PCDHA10: variants seen among roughly 807,000 people sequenced by gnomAD.
The protein encoded by PCDHA10 is protocadherin alpha-10.
A neutral mutation model predicts 61.2 loss-of-function variants in PCDHA10; 45 were observed. The ratio of observed to expected loss-of-function variants is 0.74; its 90% confidence interval spans 0.58 to 0.94. PCDHA10 has a LOEUF of 0.94. PCDHA10 is among the 40% of genes least tolerant of loss of function. PCDHA10 has a pLI of 0.00. For synonymous variants in PCDHA10, 602 were observed against 548.8 expected (o/e 1.10, Z -1.35); for missense variants, 1,278 against 1,236.2 (o/e 1.03, Z -0.51).
intron 1 of PCDHA10, chr5:140,865,831 C>T (rs1554159632): frequency 6.6e-6 from 1 of 152,124 alleles, no homozygotes. Context: ...GTAGAGCTTT[C>T]TTTAGTAAGT....
intron 1 of PCDHA10, chr5:140,866,423 G>A (rs2049350651): frequency 6.6e-6 from 1 of 151,088 alleles, no homozygotes; most frequent in South Asian, 2.1e-4. Flanking sequence ...ATGTGTGTAG[G>A]TCTTTCAGTC....
intron 1 of PCDHA10, chr5:140,862,939 T>G (rs2047666977): frequency 1.8e-6 from 1 of 541,782 alleles, no homozygotes; most frequent in South Asian, 1.4e-5. Flanking sequence ...GCGCTGTGAG[T>G]GAGCTGGTGC....
intron 1 of PCDHA10, among the ~76,000 whole-genome samples, chr5:140,917,333 G>C (rs1301739777): frequency 6.7e-5 from 10 of 148,748 alleles, no homozygotes; most frequent in East Asian, 2.0e-4. Flanking sequence ...GCGGGGGAGG[G>C]GGGGGATGGT....
chr5:140,952,023 C>T (rs183831358), intron 1 of PCDHA10, among the ~76,000 whole-genome samples: 2 of 152,236 alleles, frequency 1.3e-5, no homozygotes, highest in African/African-American at 2.4e-5. Flanking sequence ...CATGCAAGTC[C>T]GAAATCCAGT....
chr5:140,869,274 G>A, intron 1 of PCDHA10: 1 of 1,613,594 alleles, frequency 6.2e-7, no homozygotes. Context: ...TGGAGCTGGC[G>A]GAGCTGGTGC....
At chr5:141,008,206 G>A (rs979113429) in intron 3 of PCDHA10, among the ~76,000 whole-genome samples, 1 of 152,184 alleles carries the variant, frequency 6.6e-6, no homozygotes, top group African/African-American at 2.4e-5. Flanking sequence ...TAATGAACTT[G>A]ACATGAGTTA....
intron 1 of PCDHA10, among the ~76,000 whole-genome samples, chr5:140,902,107 T>G (rs2069104126): frequency 6.6e-6 from 1 of 152,174 alleles, no homozygotes; most frequent in African/African-American, 2.4e-5. Flanking sequence ...CTTTAGATTT[T>G]TTTAAAACTG....
chr5:140,966,826 G>T, intron 1 of PCDHA10: 5 of 1,560,694 alleles, frequency 3.2e-6, no homozygotes, highest in Non-Finnish European at 4.3e-6. Context: ...GGCGGCCCAT[G>T]CCCTGGCTGC....
At chr5:140,929,175 A>G (rs1554206790) in intron 1 of PCDHA10, 2 of 1,614,126 alleles carry the variant, frequency 1.2e-6, no homozygotes, top group East Asian at 4.5e-5. Flanking sequence ...CCTCTCTGGG[A>G]CTTGGTTCTG....
At chr5:140,969,170 G>A in intron 1 of PCDHA10, 1 of 1,614,114 alleles carries the variant, frequency 6.2e-7, no homozygotes. Flanking sequence ...AGCAGGCTCA[G>A]GGAGTGACAC....
chr5:140,983,059 C>A (rs1325414567), intron 3 of PCDHA10, among the ~76,000 whole-genome samples: 3 of 151,980 alleles, frequency 2.0e-5, no homozygotes, highest in Non-Finnish European at 4.4e-5. Flanking sequence ...TTATCGGAAC[C>A]AAGGCATTGT....
intron 1 of PCDHA10, among the ~76,000 whole-genome samples, chr5:140,885,025 T>A (rs2060432297): frequency 6.6e-6 from 1 of 152,228 alleles, no homozygotes; most frequent in Non-Finnish European, 1.5e-5. Context: ...ATCTTAAATT[T>A]AAAAAATTTT....
intron 1 of PCDHA10, among the ~76,000 whole-genome samples, chr5:140,891,620 C>T (rs1194351903): frequency 6.6e-6 from 1 of 152,122 alleles, no homozygotes; most frequent in African/African-American, 2.4e-5. Flanking sequence ...TTTATTTTAA[C>T]ACCTTTTGCT....
chr5:140,875,410 A>G (rs1459624657), intron 1 of PCDHA10: 3 of 1,502,000 alleles, frequency 2.0e-6, no homozygotes, highest in African/African-American at 1.4e-5. Flanking sequence ...TGCTCATAAA[A>G]TACCTCAGGC....
At chr5:140,884,130 C>A in intron 1 of PCDHA10, 1 of 1,613,434 alleles carries the variant, frequency 6.2e-7, no homozygotes, top group South Asian at 1.1e-5. Context: ...GCGCGCATCC[C>A]GTTCCGCGTG....
chr5:140,886,281 T>C (rs2060932567), intron 1 of PCDHA10, among the ~76,000 whole-genome samples: 1 of 151,934 alleles, frequency 6.6e-6, no homozygotes, highest in African/African-American at 2.4e-5. Flanking sequence ...TTTTTAAAAT[T>C]ATTTTTATAT....
Position 140,967,000 on chromosome 5 carries a change from C to T in PCDHA10, c.2389-11949C>T, listed in dbSNP as rs544624379. The T allele has an allele frequency of 6.1e-5, 98 of 1,604,962 alleles. No individual in the cohort carries two copies. The East Asian group carries it at 2.1e-3, about 35-fold the overall frequency. ...GGCGCTTGGGGCCGGGTTGCTTGCG[C>T]ATCAACCATCTGGGTGCGCCCAGTC... On this transcript the variant is annotated intron_variant, in intron 1 of 3. Coordinates refer to ENST00000307360, the MANE Select transcript of PCDHA10 (RefSeq NM_018901.4).
At chr5:140,996,968 C>G (rs1290343779) in intron 3 of PCDHA10, among the ~76,000 whole-genome samples, 1 of 152,132 alleles carries the variant, frequency 6.6e-6, no homozygotes, top group Non-Finnish European at 1.5e-5. Context: ...CAATCCCACT[C>G]CCCTTTGGTG....
chr5:140,966,702 G>T, intron 1 of PCDHA10: 1 of 1,367,880 alleles, frequency 7.3e-7, no homozygotes. Flanking sequence ...GCCCGGGCGT[G>T]GGGCACGGCT....
Sources: allele counts gnomAD v4.1 joint callset (sites outside exome capture counted in the v4.1 genomes callset), GRCh38; gene constraint gnomAD v4.1.1; transcripts MANE v1.5; gene names NCBI Gene and HGNC (gene_info 2026-07-23, HGNC 2026-07-21).